TBC1D31: variants seen among roughly 807,000 people sequenced by gnomAD.
TBC1D31 encodes the protein WD repeat domain 67.
In TBC1D31, 99 loss-of-function variants were observed where a neutral mutation model predicts 132.9. The observed-to-expected ratio is 0.74, with a 90% confidence interval of 0.63 to 0.88. TBC1D31 has a LOEUF of 0.88. TBC1D31 is among the 40% of genes least tolerant of loss of function. The probability of loss-of-function intolerance (pLI) is 0.00; values close to 1 mark genes in which losing one functional copy is unlikely to be tolerated. For synonymous variants in TBC1D31, 385 were observed against 419.4 expected, an observed-to-expected ratio of 0.92 and a Z score of 1.00; for missense variants, 1,134 against 1,256.6, an observed-to-expected ratio of 0.90 and a Z score of 1.48.
intron 16 of TBC1D31, among the ~76,000 whole-genome samples, chr8:123,133,448 C>T (rs1820808676): frequency 6.6e-6 from 1 of 152,168 alleles, no homozygotes; most frequent in Non-Finnish European, 1.5e-5. Context: ...CAACTGTATT[C>T]TCATTTAGTG....
intron 2 of TBC1D31, among the ~76,000 whole-genome samples, chr8:123,080,454 C>A (rs1407386088): frequency 6.6e-6 from 1 of 151,454 alleles, no homozygotes; most frequent in Non-Finnish European, 1.5e-5. Context: ...GAAGAGGGAC[C>A]CCTTTGTAAA....
chr8:123,098,513 G>A (rs544539029), intron 6 of TBC1D31, among the ~76,000 whole-genome samples: 7 of 152,246 alleles, frequency 4.6e-5, no homozygotes, highest in Admixed American at 4.6e-4. Flanking sequence ...TACTGGCCAG[G>A]CTGACCTCAA....
At chr8:123,078,434 T>C (rs900297506) in intron 2 of TBC1D31, among the ~76,000 whole-genome samples, 23 of 152,178 alleles carry the variant, frequency 1.5e-4, no homozygotes, top group Admixed American at 2.6e-4. Context: ...GATATAGCAC[T>C]AAATAGAGGT....
chr8:123,101,157 C>A, intron 7 of TBC1D31, 150 bp downstream of exon 7: 1 of 592,884 alleles, frequency 1.7e-6, no homozygotes, highest in East Asian at 3.1e-5. Flanking sequence ...CCCAAAGCCA[C>A]ATCTCTGGCC....
chr8:123,097,264 A>T lies in TBC1D31; in HGVS notation c.672-18A>T, dbSNP rs1395097172. On this transcript the variant is annotated intron_variant, in intron 5 of 21. Coordinates refer to ENST00000287380, the MANE Select transcript of TBC1D31 (RefSeq NM_145647.4). Reference sequence around the variant, plus strand: ...ACAATTGAACCCGTTTTTCTTTCTCACTTTTTTGTTTATATAGAGATGGCC... The same window carrying T: ...ACAATTGAACCCGTTTTTCTTTCTCTCTTTTTTGTTTATATAGAGATGGCC... The T allele has an allele frequency of 2.5e-6, 4 of 1,610,190 alleles. No individual in the cohort carries two copies. In the Admixed American group the frequency reaches 5.1e-5, roughly 21 times the overall value.
chr8:123,140,708 G>T (rs1361353991), intron 17 of TBC1D31, 53 bp from the exon 18 acceptor site: 14 of 1,416,312 alleles, frequency 9.9e-6, no homozygotes, highest in African/African-American at 1.5e-5. Context: ...AGTCATTTTT[G>T]TATTCTAGCG....
At chr8:123,130,810 C>T (rs1265778753) in intron 16 of TBC1D31, among the ~76,000 whole-genome samples, 2 of 151,314 alleles carry the variant, frequency 1.3e-5, no homozygotes, top group Admixed American at 6.6e-5. Flanking sequence ...TTCTTAGAGA[C>T]GGGATTTCAT....
At chr8:123,137,129 T>C (rs1175285584) in intron 17 of TBC1D31, among the ~76,000 whole-genome samples, 5 of 152,200 alleles carry the variant, frequency 3.3e-5, no homozygotes, top group African/African-American at 4.8e-5. Flanking sequence ...AACAAAAGAA[T>C]GAAACTAAGT....
chr8:123,163,246 C>T, the TBC1D31 span, among the ~76,000 whole-genome samples: 19 of 150,876 alleles, frequency 1.3e-4, no homozygotes, highest in African/African-American at 4.6e-4. Flanking sequence ...GCTTTACTGA[C>T]ATATAATTCA....
chr8:123,078,530 C>T (rs753096647), intron 2 of TBC1D31, among the ~76,000 whole-genome samples: 4 of 152,124 alleles, frequency 2.6e-5, no homozygotes, highest in African/African-American at 4.8e-5. Context: ...TGAATATACC[C>T]GGTGTTGAGT....
chr8:123,142,664 T>A (rs962772240), intron 19 of TBC1D31, among the ~76,000 whole-genome samples: 3 of 151,924 alleles, frequency 2.0e-5, no homozygotes, highest in Admixed American at 6.6e-5. Context: ...TAGTACAGAG[T>A]CAAATGACAA....
At chr8:123,089,567 G>A (rs1816133027) in intron 4 of TBC1D31, among the ~76,000 whole-genome samples, 1 of 152,122 alleles carries the variant, frequency 6.6e-6, no homozygotes, top group Non-Finnish European at 1.5e-5. Flanking sequence ...AAATAGCCTG[G>A]TATGCTGGTG....
chr8:123,156,960 C>T (rs187711671), downstream of TBC1D31, among the ~76,000 whole-genome samples: 350 of 152,314 alleles, frequency 2.3e-3, 1 homozygote, highest in African/African-American at 7.7e-3. Context: ...TCCTCCCCCC[C>T]GCGACGGCCA....
At position 123,085,909 on chromosome 8, in the gene TBC1D31, G is replaced by A. The variant is rs548917845; in HGVS notation, c.519+1569G>A. 5.9e-5 allele frequency among the ~76,000 whole-genome samples: 9 copies of A among 152,240 alleles called. No individual in the cohort carries two copies. In the South Asian group the frequency reaches 1.9e-3, roughly 32 times the overall value. On this transcript the variant is annotated intron_variant, in intron 4 of 21. Transcript: ENST00000287380. ...TGTTCTGAGCCCCACAGATGCCCCA[G>A]TTTGGTTCTATCATTTCTTTTAACA...
chr8:123,113,907 A>G (rs1287265669), intron 10 of TBC1D31, among the ~76,000 whole-genome samples: 1 of 152,222 alleles, frequency 6.6e-6, no homozygotes, highest in Non-Finnish European at 1.5e-5. Flanking sequence ...TCAATGAGTG[A>G]GCCTTTTTTT....
intron 7 of TBC1D31, 117 bp downstream of exon 7, chr8:123,101,124 G>T: frequency 2.5e-6 from 2 of 811,768 alleles, no homozygotes; most frequent in Non-Finnish European, 3.8e-6. Context: ...CCATTTTTCT[G>T]GATATATTTT....
intron 5 of TBC1D31, among the ~76,000 whole-genome samples, chr8:123,096,405 C>T (rs1280395715): frequency 3.3e-5 from 5 of 152,126 alleles, no homozygotes; most frequent in African/African-American, 1.2e-4. Flanking sequence ...ACTTTTGTAC[C>T]AGCCAGTCTG....
chr8:123,110,554 T>G (rs62521778), intron 10 of TBC1D31, among the ~76,000 whole-genome samples: 13,937 of 152,158 alleles, frequency 0.092, 855 homozygotes, highest in Non-Finnish European at 0.13. Flanking sequence ...TAAAAAATAA[T>G]GTAACAAATA....
At chr8:123,155,904 C>T (rs1455874395), downstream of TBC1D31, among the ~76,000 whole-genome samples, 1 of 152,176 alleles carries the variant, frequency 6.6e-6, no homozygotes, top group Non-Finnish European at 1.5e-5. The surrounding 1 kb of genome is among the most constrained non-coding windows in gnomAD (Gnocchi z 4.1). Flanking sequence ...GTCAGTTGAT[C>T]AAAGGAGTCT....
Sources: gnomAD v4.1 joint callset for allele counts (sites outside exome capture counted in the v4.1 genomes callset) on GRCh38, gnomAD v4.1.1 for gene constraint, Gnocchi (gnomAD v3.1) non-coding constraint, MANE v1.5 for transcripts, NCBI Gene and HGNC (gene_info 2026-07-23, HGNC 2026-07-21) for gene names.